COL4A3: variants seen among roughly 807,000 people sequenced by gnomAD.
COL4A3 encodes collagen type IV alpha 3 chain.
Under a neutral mutation model 217.4 loss-of-function variants are expected in COL4A3, and 135 were observed. The observed-to-expected ratio is 0.62, with a 90% CI of 0.54 to 0.72. The LOEUF (loss-of-function observed/expected upper bound fraction) is 0.72. Ranked by LOEUF, COL4A3 falls within the 30% of genes least tolerant of loss-of-function variation. The pLI is 0.00. For missense variants in COL4A3, 1,868 were observed against 2,119.9 expected (o/e 0.88, Z 2.33); for synonymous variants, 690 against 736.3 (o/e 0.94, Z 1.02).
chr2:227,175,606 T>C (rs2065649486), intron 1 of COL4A3, among the ~76,000 whole-genome samples: 1 of 152,192 alleles, frequency 6.6e-6, no homozygotes, highest in African/African-American at 2.4e-5. Context: ...AGTATTTTGC[T>C]ACAGGTGAGG....
intron 1 of COL4A3, among the ~76,000 whole-genome samples, chr2:227,217,894 G>A (rs867277350): frequency 3.9e-4 from 59 of 151,282 alleles, no homozygotes; most frequent in African/African-American, 1.4e-3. Context: ...GGTTTTGCTT[G>A]TTCTGTTTTA....
chr2:227,187,742 A>G (rs971680681), intron 1 of COL4A3, among the ~76,000 whole-genome samples: 26 of 152,152 alleles, frequency 1.7e-4, no homozygotes, highest in African/African-American at 6.3e-4. Flanking sequence ...GTCCTAGCTC[A>G]TGGTTTCTGC....
intron 1 of COL4A3, among the ~76,000 whole-genome samples, chr2:227,197,980 C>T (rs2066546504): frequency 6.6e-6 from 1 of 152,218 alleles, no homozygotes; most frequent in African/African-American, 2.4e-5. Flanking sequence ...TATATTGCTT[C>T]TCCTGCCTTC....
intron 2 of COL4A3, among the ~76,000 whole-genome samples, chr2:227,238,465 C>T (rs749378403): frequency 1.4e-4 from 21 of 152,038 alleles, no homozygotes; most frequent in Non-Finnish European, 2.4e-4. Context: ...TGGAGAAATC[C>T]CACAGCAGCA....
At chr2:227,208,547 A>G (rs1281163414) in intron 1 of COL4A3, among the ~76,000 whole-genome samples, 1 of 152,102 alleles carries the variant, frequency 6.6e-6, no homozygotes, top group Non-Finnish European at 1.5e-5. Flanking sequence ...CAACCTGACC[A>G]GTCAGCTCTC....
intron 43 of COL4A3, among the ~76,000 whole-genome samples, chr2:227,302,551 C>A (rs1416899583): frequency 1.3e-5 from 2 of 151,718 alleles, no homozygotes; most frequent in East Asian, 3.9e-4. Flanking sequence ...GTGGTGCATG[C>A]CTATAATCCC....
chr2:227,246,164 C>T lies in COL4A3; in HGVS notation c.387+148C>T. On this transcript the variant is annotated intron_variant, in intron 6 of 51. Coordinates refer to ENST00000396578, the MANE Select transcript of COL4A3 (RefSeq NM_000091.5). ...AGCATAATTTGGAGGCAGGAAACTT[C>T]CCATTTTCTTTCTTCGCATTCCTTG... 1.5e-5 allele frequency: 11 copies of T among 711,866 alleles called. No individual in the cohort carries two copies. The South Asian group carries it at 1.7e-4, about 11-fold the overall frequency. The allele number at this position is 711,866 out of a possible 1,614,324, so 44.1% of individuals were successfully genotyped here. A position where few individuals can be genotyped will look rare whatever the true frequency, so the allele number is the denominator to read the frequency against.
chr2:227,246,274 A>T (rs985944738), intron 6 of COL4A3: 3 of 545,886 alleles, frequency 5.5e-6, no homozygotes, highest in African/African-American at 1.9e-5. Context: ...GGCTGTGTGT[A>T]TAAATCAGAA....
chr2:227,196,859 G>C (rs559695371), intron 1 of COL4A3, among the ~76,000 whole-genome samples: 2 of 152,234 alleles, frequency 1.3e-5, no homozygotes, highest in Admixed American at 1.3e-4. Context: ...ATAGTAGTAG[G>C]TCATGTGGTT....
rs1025060051 is a variant in COL4A3, at chr2:227,191,786, A to AT, written c.87+26980dup. ...GTAATTATGAAGGCTAAAAATAAAG[A>AT]TTTTTTTCATAATTAGTTTCTGGAA... On this transcript the variant is annotated intron_variant, in intron 1 of 51. Coordinates refer to ENST00000396578, the MANE Select transcript of COL4A3 (RefSeq NM_000091.5). This position sits in a 1 kb window ranked among gnomAD's most constrained non-coding sequence, Gnocchi z 6.8. 8.5e-5 allele frequency among the ~76,000 whole-genome samples: 13 copies of AT among 152,186 alleles called. No individual in the cohort carries two copies. The highest frequency in any genetic ancestry group is 1.2e-4 in the Non-Finnish European group (8 of 68,034).
chr2:227,310,789 G>A lies in COL4A3; in HGVS notation c.4769G>A (p.Gly1590Asp), dbSNP rs749447224. 4.3e-6 allele frequency: 7 copies of A among 1,614,118 alleles called. No individual in the cohort carries two copies. The East Asian group carries it at 1.6e-4, about 36-fold the overall frequency. The change falls in exon 51 of 52, where the codon GGT becomes GAT. Residue 1590 changes from glycine (G) to aspartate (D), a missense_variant. Physicochemically the swap from Gly to Asp is moderately conservative, Grantham distance 94. Coordinates refer to ENST00000396578, the MANE Select transcript of COL4A3 (RefSeq NM_000091.5). ...GFSFIMFTSA[G>D]SEGTGQALAS... is the part of the protein sequence containing the mutation. ...AAATTGTGGTAGTTCACAAGTGCAG[G>A]TTCTGAGGGCACCGGGCAAGCACTG...
chr2:227,202,057 T>C (rs1175354363), intron 1 of COL4A3, among the ~76,000 whole-genome samples: 1 of 152,226 alleles, frequency 6.6e-6, no homozygotes, highest in Non-Finnish European at 1.5e-5. Context: ...GATTTCACGA[T>C]TGGTTAGCAA....
chr2:227,309,396 C>T, intron 50 of COL4A3, 78 bp downstream of exon 50: 1 of 1,128,398 alleles, frequency 8.9e-7, no homozygotes, highest in Non-Finnish European at 1.3e-6. Context: ...AAATGTGATT[C>T]CCAGGGTCGA....
chr2:227,217,348 C>A (rs777833873), intron 1 of COL4A3, among the ~76,000 whole-genome samples: 2 of 152,208 alleles, frequency 1.3e-5, no homozygotes, highest in African/African-American at 2.4e-5. Flanking sequence ...ACCATATCAG[C>A]GACCTTACCT....
intron 43 of COL4A3, among the ~76,000 whole-genome samples, chr2:227,302,706 A>G (rs973748373): frequency 7.1e-6 from 1 of 140,834 alleles, no homozygotes; most frequent in Non-Finnish European, 1.5e-5. Flanking sequence ...AAAAAAAAAA[A>G]TCATTCTGGC....
chr2:227,311,739 C>A, intron 51 of COL4A3, 47 bp from the exon 52 acceptor site: 2 of 1,577,340 alleles, frequency 1.3e-6, no homozygotes, highest in South Asian at 1.1e-5. Context: ...CAAAAATTCC[C>A]TTTTATGCAT....
chr2:227,209,693 T>C (rs927630759), intron 1 of COL4A3, among the ~76,000 whole-genome samples: 1 of 152,052 alleles, frequency 6.6e-6, no homozygotes, highest in African/African-American at 2.4e-5. Flanking sequence ...TACAAAAAAA[T>C]TAGCTGGGTG....
intron 8 of COL4A3, among the ~76,000 whole-genome samples, chr2:227,247,842 C>T (rs1021152201): frequency 1.3e-5 from 2 of 152,108 alleles, no homozygotes; most frequent in East Asian, 3.8e-4. Context: ...GAAAACTGAC[C>T]TCATGCTCAG....
chr2:227,176,346 G>C (rs749175168), intron 1 of COL4A3, among the ~76,000 whole-genome samples: 6 of 152,088 alleles, frequency 3.9e-5, no homozygotes, highest in Non-Finnish European at 5.9e-5. Flanking sequence ...GTATATGTAT[G>C]ATATGAGTGT....
Sources: gnomAD v4.1 joint callset for allele counts (sites outside exome capture counted in the v4.1 genomes callset) on GRCh38, gnomAD v4.1.1 for gene constraint, Gnocchi (gnomAD v3.1) non-coding constraint, MANE v1.5 for transcripts, NCBI Gene and HGNC (gene_info 2026-07-23, HGNC 2026-07-21) for gene names.